Variants in CAT observed in about 807,000 individuals in gnomAD.
CAT encodes catalase.
CAT carries 43 observed loss-of-function variants against 59.0 expected under a neutral mutation model. That is an observed-to-expected ratio of 0.73 (90% CI 0.57 to 0.94). CAT has a LOEUF of 0.94. Ranked by LOEUF, CAT falls within the 40% of genes least tolerant of loss-of-function variation. The pLI, the probability that CAT is intolerant of heterozygous loss-of-function variation, is 0.00. For missense variants in CAT, 664 were observed against 682.9 expected, an observed-to-expected ratio of 0.97 and a Z score of 0.31; for synonymous variants, 218 against 230.9, an observed-to-expected ratio of 0.94 and a Z score of 0.51.
At chr11:34,441,812 A>C (rs1465628528) in intron 1 of CAT, among the ~76,000 whole-genome samples, 4 of 147,302 alleles carry the variant, frequency 2.7e-5, no homozygotes, top group African/African-American at 1.1e-4. Flanking sequence ...AAAATAAATA[A>C]AGCTGCTATA....
intron 1 of CAT, among the ~76,000 whole-genome samples, chr11:34,442,673 G>A (rs548158577): frequency 1.2e-4 from 18 of 152,324 alleles, no homozygotes; most frequent in Admixed American, 1.0e-3. Flanking sequence ...TGAAGGAGGT[G>A]GGTGGGTGCT....
Position 34,456,173 on chromosome 11 carries a change from T to C in CAT, c.874T>C (p.Phe292Leu), listed in dbSNP as rs1052036275. The change falls in exon 7 of 13, where the codon TTT becomes CTT. Residue 292 changes from phenylalanine (F) to leucine (L), a missense_variant. Phe to Leu is a conservative substitution (Grantham distance 22). Transcript: ENST00000241052. ...CATGACATTTAATCAGGCAGAAACTTTTCCATTTAATCCATTCGATCTCAC... is the reference window on the plus strand; with the variant it reads ...CATGACATTTAATCAGGCAGAAACTCTTCCATTTAATCCATTCGATCTCAC... ...QVMTFNQAET[F>L]PFNPFDLTKV... 5 of 1,613,954 alleles carry C rather than the reference T, an allele frequency of 3.1e-6. No individual in the cohort carries two copies. The highest frequency in any genetic ancestry group is 2.2e-5 in the East Asian group (1 of 44,894).
In CAT at chr11:34,453,888, G is replaced by A. The variant is rs1336114637; in HGVS notation, c.673G>A (p.Ala225Thr). Residue 225 changes from alanine (A) to threonine (T), a missense_variant, in exon 6 of 13, where the codon GCA becomes ACA. Physicochemically the swap from Ala to Thr is moderately conservative, Grantham distance 58 (BLOSUM62 0). Transcript: ENST00000241052. ...YGSHTFKLVN[A>T]NGEAVYCKFH... ...ATCACATACTTTCAAGCTGGTTAAT[G>A]CAAATGGGGAGGCAGTTTATTGCAA... The A allele has an allele frequency of 6.2e-7, 1 of 1,613,968 alleles. No homozygotes were observed. Among genetic ancestry groups the A allele is most frequent in the Non-Finnish European group, 8.5e-7 (1 of 1,179,856 alleles).
At chr11:34,445,645 G>T (rs1216347847) in intron 1 of CAT, among the ~76,000 whole-genome samples, 1 of 151,988 alleles carries the variant, frequency 6.6e-6, no homozygotes, top group Non-Finnish European at 1.5e-5. Context: ...GGAGAGGTAC[G>T]TATGGATGTC....
At chr11:34,446,823 C>A (rs943946830) in intron 1 of CAT, among the ~76,000 whole-genome samples, 1 of 151,808 alleles carries the variant, frequency 6.6e-6, no homozygotes, top group African/African-American at 2.4e-5. Flanking sequence ...CTCACCGCAA[C>A]CTCCGCCTGC....
At chr11:34,439,155 T>TC in intron 1 of CAT, 76 bp downstream of exon 1, 1 of 1,388,398 alleles carries the variant, frequency 7.2e-7, no homozygotes, top group Non-Finnish European at 1.0e-6. Flanking sequence ...AGGCCCGGCT[T>TC]CCCCCGGGGC....
intron 4 of CAT, 119 bp downstream of exon 4, chr11:34,452,326 G>A: frequency 1.1e-6 from 1 of 914,788 alleles, no homozygotes; most frequent in Non-Finnish European, 1.8e-6. Context: ...CGAGTTGTCT[G>A]GACTACTTTT....
chr11:34,439,160 C>T, intron 1 of CAT, 81 bp downstream of exon 1: 2 of 1,336,502 alleles, frequency 1.5e-6, no homozygotes, highest in Admixed American at 2.0e-5. Flanking sequence ...CGGCTTCCCC[C>T]GGGGCGGCGC....
At chr11:34,451,130 C>A in intron 3 of CAT, 32 bp downstream of exon 3, 2 of 1,190,736 alleles carry the variant, frequency 1.7e-6, no homozygotes, top group Non-Finnish European at 2.5e-6. Flanking sequence ...ATTGGTATGG[C>A]TTAACTCAAC....
chr11:34,466,132 A>T (rs540480860), intron 10 of CAT, among the ~76,000 whole-genome samples: 49 of 152,350 alleles, frequency 3.2e-4, no homozygotes, highest in Admixed American at 2.6e-4. Context: ...GGCCATGCCT[A>T]GGAATAAGGG....
At chr11:34,445,710 A>G (rs1856445312) in intron 1 of CAT, among the ~76,000 whole-genome samples, 1 of 152,032 alleles carries the variant, frequency 6.6e-6, no homozygotes, top group African/African-American at 2.4e-5. Flanking sequence ...CTCTCCAGAG[A>G]GAGGTCTTAA....
chr11:34,439,119 T>C, intron 1 of CAT, 40 bp downstream of exon 1: 53 of 1,548,342 alleles, frequency 3.4e-5, no homozygotes, highest in Non-Finnish European at 4.6e-5. Context: ...AAGGTCCGTT[T>C]AGAAAGCGGG....
chr11:34,461,136 G>C, intron 8 of CAT, 115 bp from the exon 9 acceptor site: 1 of 1,141,314 alleles, frequency 8.8e-7, no homozygotes, highest in African/African-American at 1.5e-5. Context: ...GCAGAATTTT[G>C]TGGTAACCAT....
At chr11:34,457,697 A>T (rs1333548970) in intron 8 of CAT, among the ~76,000 whole-genome samples, 19 of 152,180 alleles carry the variant, frequency 1.2e-4, no homozygotes, top group African/African-American at 4.1e-4. Context: ...AAGAGTGAAA[A>T]ATTGTACTTT....
chr11:34,445,495 CAAAAAAAAAA>C (rs58169234), intron 1 of CAT, among the ~76,000 whole-genome samples: 28 of 36,338 alleles, frequency 7.7e-4, no homozygotes, highest in African/African-American at 3.2e-3. Flanking sequence ...GACTCCATCT[CAAAAAAAAAA>C]AAAAAAAAAA....
intron 1 of CAT, among the ~76,000 whole-genome samples, chr11:34,443,376 A>G (rs964447195): frequency 9.9e-5 from 15 of 152,240 alleles, no homozygotes; most frequent in African/African-American, 3.4e-4. Flanking sequence ...ATAAGTGAGC[A>G]TTGAGTCAGA....
In CAT at chr11:34,451,080, G is replaced by T; in HGVS notation, c.331G>T (p.Val111Phe). ...TATTGGAAAGAAGACTCCCATCGCAGTTCGGTTCTCCACTGTTGGTAAGTT... is the reference window on the plus strand; with the variant it reads ...TATTGGAAAGAAGACTCCCATCGCATTTCGGTTCTCCACTGTTGGTAAGTT... ...EHIGKKTPIA[V>F]RFSTVAGESG... Residue 111 changes from valine (V) to phenylalanine (F), a missense_variant, in exon 3 of 13, where the codon GTT becomes TTT. Physicochemically the swap from Val to Phe is conservative, Grantham distance 50 (BLOSUM62 -1). Coordinates refer to ENST00000241052, the MANE Select transcript of CAT (RefSeq NM_001752.4). The T allele has an allele frequency of 1.9e-6, 3 of 1,609,280 alleles. No individual in the cohort carries two copies. The highest frequency in any genetic ancestry group is 2.6e-6 in the Non-Finnish European group (3 of 1,175,556).
At chr11:34,459,561 T>G (rs1162242402) in intron 8 of CAT, among the ~76,000 whole-genome samples, 1 of 152,174 alleles carries the variant, frequency 6.6e-6, no homozygotes, top group Non-Finnish European at 1.5e-5. Context: ...TTGGAGAAGT[T>G]GGGCCGGTTG....
chr11:34,455,507 A>G (rs1467567364), intron 6 of CAT, among the ~76,000 whole-genome samples: 1 of 150,704 alleles, frequency 6.6e-6, no homozygotes, highest in African/African-American at 2.4e-5. Flanking sequence ...TTTCAACTCT[A>G]TGAGCTATGA....
Sources: gnomAD v4.1 joint callset for allele counts (sites outside exome capture counted in the v4.1 genomes callset) on GRCh38, gnomAD v4.1.1 for gene constraint, MANE v1.5 for transcripts, NCBI Gene and HGNC (gene_info 2026-07-23, HGNC 2026-07-21) for gene names.